FBXO45: variants seen among roughly 807,000 people sequenced by gnomAD.
FBXO45 encodes the protein F-box/SPRY domain-containing protein 1.
In FBXO45, 3 loss-of-function variants were observed where a neutral mutation model predicts 25.5. The ratio of observed to expected loss-of-function variants is 0.12; its 90% CI spans 0.05 to 0.30. The LOEUF is 0.30. Among genes scored for constraint, FBXO45 ranks in the 10% least tolerant of loss-of-function variants. The pLI is 1.00. For synonymous variants in FBXO45, 155 were observed against 149.8 expected, an observed-to-expected ratio of 1.03 and a Z score of -0.25; for missense variants, 219 against 365.0, an observed-to-expected ratio of 0.60 and a Z score of 3.26.
In FBXO45 at chr3:196,569,164, C is replaced by A. The variant is rs777503624; in HGVS notation, c.180C>A (p.Ala60=). ...AGCTGTCCGAGCTGCGGAGCTGCGCCCTGGTGTGCAAGCACTGGTACCGCT... is the reference window on the plus strand; with the variant it reads ...AGCTGTCCGAGCTGCGGAGCTGCGCACTGGTGTGCAAGCACTGGTACCGCT... ...YLELSELRSC[A]LVCKHWYRCL... The change falls in exon 1 of 3, where the codon GCC becomes GCA. Residue 60 remains alanine (A), a synonymous_variant. Coordinates refer to ENST00000311630, the MANE Select transcript of FBXO45 (RefSeq NM_001105573.2). This position sits in a 1 kb window ranked among gnomAD's most constrained non-coding sequence, Gnocchi z 4.1. 8.4e-6 allele frequency: 13 copies of A among 1,553,586 alleles called. No homozygotes were observed. In the African/African-American group the frequency reaches 1.6e-4, roughly 20 times the overall value.
chr3:196,577,507 A>G lies in FBXO45; in HGVS notation c.373A>G (p.Ile125Val), dbSNP rs1735934860. 1 of 1,613,836 alleles carries G rather than the reference A, an allele frequency of 6.2e-7. No homozygotes were observed. The highest frequency in any genetic ancestry group is 1.3e-5 in the African/African-American group (1 of 74,948). The change falls in exon 2 of 3, where the codon ATT becomes GTT. Residue 125 changes from isoleucine (I) to valine (V), a missense_variant. By Grantham distance (29) the Ile-to-Val change is conservative. Coordinates refer to ENST00000311630, the MANE Select transcript of FBXO45 (RefSeq NM_001105573.2). Reference protein sequence around the residue: ...STNDCSRNVYIKKNGFTLHRN... With the variant: ...STNDCSRNVYVKKNGFTLHRN... ...TAATGACTGCTCCAGGAATGTCTACATTAAGAAGAATGGCTTTACTTTACA... is the reference window on the plus strand; with the variant it reads ...TAATGACTGCTCCAGGAATGTCTACGTTAAGAAGAATGGCTTTACTTTACA...
In FBXO45 at chr3:196,569,404, AGCCC is replaced by A. The variant is rs2108723603; in HGVS notation, c.318+106_318+109del. The A allele has an allele frequency of 8.4e-7, 1 of 1,192,576 alleles. No homozygotes were observed. The highest frequency in any genetic ancestry group is 1.6e-5 in the South Asian group (1 of 61,430). 73.9% of individuals were successfully genotyped at this position (1,192,576 alleles called of 1,614,324 possible). ...TCTGAGTCAGAAGCTTCGCCTCACC[AGCCC>A]GCCTTTCCACGGCTCCAGTCAGTAT... On this transcript the variant is annotated intron_variant, in intron 1 of 2. Coordinates refer to ENST00000311630, the MANE Select transcript of FBXO45 (RefSeq NM_001105573.2). This position sits in a 1 kb window ranked among gnomAD's most constrained non-coding sequence, Gnocchi z 4.1.
chr3:196,570,305 T>TA (rs1470057630), intron 1 of FBXO45, among the ~76,000 whole-genome samples: 2 of 149,438 alleles, frequency 1.3e-5, no homozygotes, highest in Middle Eastern at 3.5e-3. Context: ...TGGCGTGATC[T>TA]CGGCTCACCG....
At chr3:196,582,045 G>A (rs750279693) in intron 2 of FBXO45, among the ~76,000 whole-genome samples, 29 of 152,196 alleles carry the variant, frequency 1.9e-4, no homozygotes, top group Non-Finnish European at 3.4e-4. Flanking sequence ...CATCCTTTCT[G>A]TGGTTCTGTT....
At position 196,584,178 on chromosome 3, in the gene FBXO45, T is replaced by G; in HGVS notation, c.721T>G (p.Leu241Val). Residue 241 changes from leucine to valine, a missense_variant, in exon 3 of 3, where the codon TTA becomes GTA. Physicochemically the swap from Leu to Val is conservative, Grantham distance 32. Around this residue, in one of 4 missense-constraint regions of FBXO45, gnomAD observed 34 missense variants for 48.2 expected, o/e 0.70. Coordinates refer to ENST00000311630, the MANE Select transcript of FBXO45 (RefSeq NM_001105573.2). The surrounding 1 kb of genome is among the most constrained non-coding windows in gnomAD (Gnocchi z 4.3). ...RVILDMEDKT[L>V]AFERGYEFLG... ...CATCTTGGACATGGAAGATAAGACTTTAGCTTTTGAACGTGGATATGAGTT... is the reference window on the plus strand; with the variant it reads ...CATCTTGGACATGGAAGATAAGACTGTAGCTTTTGAACGTGGATATGAGTT... 1 of 1,614,006 alleles carries G rather than the reference T, an allele frequency of 6.2e-7. No individual in the cohort carries two copies.
At chr3:196,576,562 TACAC>T (rs1735917548) in intron 1 of FBXO45, among the ~76,000 whole-genome samples, 1 of 152,160 alleles carries the variant, frequency 6.6e-6, no homozygotes, top group Admixed American at 6.5e-5. Flanking sequence ...AAATTTAAAA[TACAC>T]AAACTAAAAG....
intron 1 of FBXO45, among the ~76,000 whole-genome samples, chr3:196,577,078 A>G (rs908924643): frequency 2.0e-5 from 3 of 151,972 alleles, no homozygotes; most frequent in African/African-American, 4.8e-5. Flanking sequence ...TCTATTGCAC[A>G]CTCTCCCACT....
chr3:196,581,732 T>A (rs1031418433), intron 2 of FBXO45, among the ~76,000 whole-genome samples: 15 of 152,232 alleles, frequency 9.9e-5, no homozygotes, highest in Non-Finnish European at 5.9e-5. Context: ...CCTGTTTCTT[T>A]TCATATCTAG....
At position 196,569,209 on chromosome 3, in the gene FBXO45, C is replaced by T; in HGVS notation, c.225C>T (p.Asn75=). Residue 75 remains asparagine (N), a synonymous_variant, in exon 1 of 3, where the codon AAC becomes AAT. Transcript: ENST00000311630. This position sits in a 1 kb window ranked among gnomAD's most constrained non-coding sequence, Gnocchi z 4.1. ...HWYRCLHGDE[N]SEVWRSLCAR... ...ACCGCTGCCTGCACGGCGATGAGAA[C>T]AGCGAGGTGTGGCGGAGCCTGTGCG... 3 of 1,576,536 alleles carry T rather than the reference C, an allele frequency of 1.9e-6. No individual in the cohort carries two copies. Among genetic ancestry groups the T allele is most frequent in the South Asian group, 2.3e-5 (2 of 85,744 alleles).
Position 196,584,297 on chromosome 3 carries a change from T to G in FBXO45, c.840T>G (p.Leu280=). The change falls in exon 3 of 3, where the codon CTT becomes CTG. Residue 280 remains leucine, a synonymous_variant. Coordinates refer to ENST00000311630, the MANE Select transcript of FBXO45 (RefSeq NM_001105573.2). This position sits in a 1 kb window ranked among gnomAD's most constrained non-coding sequence, Gnocchi z 4.3. ...YGNTEVTLVY[L]GKPLDG Reference sequence around the variant, plus strand: ...ACACAGAAGTGACTTTGGTTTACCTTGGAAAACCTTTGGACGGATGACAGT... The same window carrying G: ...ACACAGAAGTGACTTTGGTTTACCTGGGAAAACCTTTGGACGGATGACAGT... 1 of 1,608,612 alleles carries G rather than the reference T, an allele frequency of 6.2e-7. No individual in the cohort carries two copies. The highest frequency in any genetic ancestry group is 1.3e-5 in the African/African-American group (1 of 74,538).
Position 196,575,215 on chromosome 3 carries a change from G to A in FBXO45, c.319-2238G>A, listed in dbSNP as rs1279050130. On this transcript the variant is annotated intron_variant, in intron 1 of 2. Transcript: ENST00000311630. ...TCACGCCTGTAATCCCAGCACTTGCGGAGGCCAAGGCAGGCGGATCACCTG... is the reference window on the plus strand; with the variant it reads ...TCACGCCTGTAATCCCAGCACTTGCAGAGGCCAAGGCAGGCGGATCACCTG... Among the ~76,000 whole-genome samples the A allele has an allele frequency of 3.9e-5, 6 of 152,294 alleles. No individual in the cohort carries two copies. The East Asian group carries it at 1.2e-3, about 29-fold the overall frequency.
chr3:196,579,137 C>G (rs1735965650), intron 2 of FBXO45, among the ~76,000 whole-genome samples: 1 of 151,982 alleles, frequency 6.6e-6, no homozygotes, highest in South Asian at 2.1e-4. Flanking sequence ...AATTATAGTT[C>G]CTATTTGTAA....
At chr3:196,575,612 A>G (rs910027205) in intron 1 of FBXO45, among the ~76,000 whole-genome samples, 1 of 151,768 alleles carries the variant, frequency 6.6e-6, no homozygotes, top group Non-Finnish European at 1.5e-5. Flanking sequence ...AGTTATTTAG[A>G]CAGTATTTGC....
Position 196,586,166 on chromosome 3 carries a change from A to G in FBXO45, c.*1848A>G, listed in dbSNP as rs1736108238. Reference sequence around the variant, plus strand: ...ACAACTCAGTTCGGCAAAGTTTAAAATTTGATTAAACAAGAGAAGTGGTTC... The same window carrying G: ...ACAACTCAGTTCGGCAAAGTTTAAAGTTTGATTAAACAAGAGAAGTGGTTC... On this transcript the variant is annotated 3_prime_UTR_variant, in exon 3 of 3. Transcript: ENST00000311630. 1 of 152,242 alleles carries G rather than the reference A, an allele frequency of 6.6e-6. No individual in the cohort carries two copies. Among genetic ancestry groups the G allele is most frequent in the African/African-American group, 2.4e-5 (1 of 41,466 alleles). 9.4% of individuals were successfully genotyped at this position (152,242 alleles called of 1,614,324 possible).
At chr3:196,579,227 A>G (rs1310955496) in intron 2 of FBXO45, among the ~76,000 whole-genome samples, 2 of 152,276 alleles carry the variant, frequency 1.3e-5, no homozygotes, top group African/African-American at 2.4e-5. Context: ...TTAAAGAACT[A>G]TAGATTGCAT....
In FBXO45 at chr3:196,586,615, A is replaced by G. The variant is rs564651667; in HGVS notation, c.*2297A>G. 6 of 152,316 alleles carry G rather than the reference A, an allele frequency of 3.9e-5. No individual in the cohort carries two copies. Among genetic ancestry groups the G allele is most frequent in the Non-Finnish European group, 7.3e-5 (5 of 68,028 alleles). The allele number at this position is 152,316 out of a possible 1,614,324, so 9.4% of individuals were successfully genotyped here. A position where few individuals can be genotyped will look rare whatever the true frequency, so the allele number is the denominator to read the frequency against. On this transcript the variant is annotated 3_prime_UTR_variant, in exon 3 of 3. Coordinates refer to ENST00000311630, the MANE Select transcript of FBXO45 (RefSeq NM_001105573.2). ...CTCAAGGAGATGGAATATCTTTGTC[A>G]TTGGTGCTGAGGAGAGCATTTCGGT...
intron 1 of FBXO45, among the ~76,000 whole-genome samples, chr3:196,571,698 G>T (rs376034055): frequency 5.3e-5 from 8 of 152,286 alleles, no homozygotes; most frequent in Middle Eastern, 3.4e-3. Flanking sequence ...CAGCTACCCG[G>T]TTCCTCTCCA....
At chr3:196,574,443 C>T (rs1735878966) in intron 1 of FBXO45, among the ~76,000 whole-genome samples, 2 of 152,008 alleles carry the variant, frequency 1.3e-5, no homozygotes, top group Admixed American at 1.3e-4. Flanking sequence ...ATATAAGGGT[C>T]CCATGGCAAA....
rs920557445 is a variant in FBXO45 at position 196,584,868 on chromosome 3, T to G, written c.*550T>G. ...GCTATTTTAAAAGTTGTATATAATA[T>G]GTGTGTAAAAAAAAAAAACTGTAAA... is the stretch of plus-strand genomic sequence containing the variant. On this transcript the variant is annotated 3_prime_UTR_variant, in exon 3 of 3. Transcript: ENST00000311630. The surrounding 1 kb of genome is among the most constrained non-coding windows in gnomAD (Gnocchi z 4.3). 10 of 138,844 alleles carry G rather than the reference T, an allele frequency of 7.2e-5. No homozygotes were observed. Among genetic ancestry groups the G allele is most frequent in the African/African-American group, 2.8e-4 (10 of 36,064 alleles). The allele number at this position is 138,844 out of a possible 1,614,324, so 8.6% of individuals were successfully genotyped here.
Sources: gnomAD v4.1 joint callset for allele counts (sites outside exome capture counted in the v4.1 genomes callset) on GRCh38, gnomAD v4.1.1 for gene constraint, gnomAD v4.1.1 regional missense constraint, Gnocchi (gnomAD v3.1) non-coding constraint, MANE v1.5 for transcripts, NCBI Gene and HGNC (gene_info 2026-07-23, HGNC 2026-07-21) for gene names.